The following RBFOX1 variants were observed in gnomAD, a reference collection of about 807,000 sequenced individuals.
RBFOX1 encodes RNA binding protein fox-1 homolog 1.
RBFOX1 carries 8 observed loss-of-function variants against 57.7 expected under a neutral mutation model. The observed-to-expected ratio is 0.14, with a 90% CI of 0.08 to 0.25. The LOEUF is 0.25. Among genes scored for constraint, RBFOX1 ranks in the 10% least tolerant of loss-of-function variants. The pLI is 1.00. For synonymous variants in RBFOX1, 326 were observed against 222.4 expected, an observed-to-expected ratio of 1.47 and a Z score of -4.15; for missense variants, 611 against 548.5, an observed-to-expected ratio of 1.11 and a Z score of -1.14.
intron 4 of RBFOX1, among the ~76,000 whole-genome samples, chr16:7,053,438 G>A (rs964698993): frequency 6.6e-6 from 1 of 152,088 alleles, no homozygotes; most frequent in African/African-American, 2.4e-5. Context: ...GTTAAATAAT[G>A]TATTACAACT....
rs1265305682 is a variant in RBFOX1, at chr16:7,712,430, G to C, written c.*1685G>C. 1 of 152,540 alleles carries C rather than the reference G, an allele frequency of 6.6e-6. No individual in the cohort carries two copies. Among genetic ancestry groups the C allele is most frequent in the Non-Finnish European group, 1.5e-5 (1 of 68,030 alleles). 9.4% of individuals were successfully genotyped at this position (152,540 alleles called of 1,614,324 possible). A position where few individuals can be genotyped will look rare whatever the true frequency, so the allele number is the denominator to read the frequency against. Reference sequence around the variant, plus strand: ...AAAATGTGTGATCCAGCTTTCTCTTGCCATCCTATGTGCATGCCGTAAGAT... The same window carrying C: ...AAAATGTGTGATCCAGCTTTCTCTTCCCATCCTATGTGCATGCCGTAAGAT... On this transcript the variant is annotated 3_prime_UTR_variant, in exon 16 of 16. Coordinates refer to ENST00000550418, the MANE Select transcript of RBFOX1 (RefSeq NM_018723.4).
chr16:5,943,467 G>A (rs1457192535), intron 4 of RBFOX1, among the ~76,000 whole-genome samples: 1 of 152,118 alleles, frequency 6.6e-6, no homozygotes, highest in Non-Finnish European at 1.5e-5. Context: ...AAAATATGAG[G>A]AATTCTCATT....
intron 2 of RBFOX1, among the ~76,000 whole-genome samples, chr16:5,548,925 C>A (rs11076930): frequency 0.35 from 53,094 of 151,908 alleles, 10,916 homozygotes; most frequent in East Asian, 0.96. Context: ...AAGTCCTCTA[C>A]ATTATACATC....
At chr16:7,466,206 A>C (rs1046917643) in intron 4 of RBFOX1, among the ~76,000 whole-genome samples, 3 of 152,230 alleles carry the variant, frequency 2.0e-5, no homozygotes, top group Non-Finnish European at 1.5e-5. Flanking sequence ...ATCTAATAAA[A>C]GGAGATTTAT....
intron 3 of RBFOX1, among the ~76,000 whole-genome samples, chr16:6,781,707 C>G (rs1048929760): frequency 1.3e-5 from 2 of 152,000 alleles, no homozygotes; most frequent in Non-Finnish European, 2.9e-5. Context: ...AAATCGTTGG[C>G]CTATAGTTGA....
intron 1 of RBFOX1, among the ~76,000 whole-genome samples, chr16:6,115,684 C>G (rs770969243): frequency 4.3e-4 from 65 of 152,172 alleles, no homozygotes; most frequent in Non-Finnish European, 8.4e-4. Flanking sequence ...TGTTGTGGGC[C>G]GAACAGTCTT....
At position 7,061,432 on chromosome 16, in the gene RBFOX1, T is replaced by C. The variant is rs113170536; in HGVS notation, c.27+9334T>C. ...ACAGATTTTAATTTCTCCAACTTCA[T>C]TGTGAAATATGATTAAATAAAGAAG... On this transcript the variant is annotated intron_variant, in intron 4 of 15. Transcript: ENST00000550418. Among the ~76,000 whole-genome samples, 418 of 152,310 alleles carry C rather than the reference T, an allele frequency of 2.7e-3. 3 individuals are homozygous for C. The highest frequency in any genetic ancestry group is 9.6e-3 in the African/African-American group (398 of 41,560).
intron 4 of RBFOX1, among the ~76,000 whole-genome samples, chr16:7,441,226 T>C (rs148913656): frequency 5.6e-4 from 86 of 152,316 alleles, no homozygotes; most frequent in African/African-American, 1.8e-3. Flanking sequence ...ATTCGACCTC[T>C]GAAAGCTCTG....
chr16:5,493,698 G>A (rs150317787), intron 2 of RBFOX1, among the ~76,000 whole-genome samples: 40 of 152,338 alleles, frequency 2.6e-4, no homozygotes, highest in African/African-American at 9.1e-4. Context: ...CATGCCGAGT[G>A]TTGACACAGC....
intron 7 of RBFOX1, among the ~76,000 whole-genome samples, chr16:7,590,938 A>C (rs2094413905): frequency 6.6e-6 from 1 of 151,436 alleles, no homozygotes; most frequent in African/African-American, 2.4e-5. Flanking sequence ...GCTGCATTTC[A>C]TGAGAGCCAA....
intron 4 of RBFOX1, among the ~76,000 whole-genome samples, chr16:7,434,463 C>G (rs1044560988): frequency 1.3e-5 from 2 of 151,632 alleles, no homozygotes; most frequent in African/African-American, 2.4e-5. Context: ...CAGAGCAAGA[C>G]TCTGTCTCGT....
chr16:6,501,884 G>C (rs901203253), intron 2 of RBFOX1, among the ~76,000 whole-genome samples: 1 of 152,144 alleles, frequency 6.6e-6, no homozygotes, highest in Admixed American at 6.5e-5. Flanking sequence ...GGCTTTACTT[G>C]TTCATAGATT....
chr16:7,400,321 A>C (rs1326185903), intron 4 of RBFOX1, among the ~76,000 whole-genome samples: 2 of 152,156 alleles, frequency 1.3e-5, no homozygotes, highest in Non-Finnish European at 2.9e-5. Context: ...TGCATTATGC[A>C]ATTCTGCCCC....
intron 3 of RBFOX1, among the ~76,000 whole-genome samples, chr16:6,729,528 T>G (rs2068024896): frequency 6.6e-6 from 1 of 152,142 alleles, no homozygotes. Context: ...AAAGAAGATG[T>G]TTATATACAG....
intron 4 of RBFOX1, among the ~76,000 whole-genome samples, chr16:7,392,954 A>G (rs1270664212): frequency 7.9e-5 from 12 of 151,214 alleles, no homozygotes; most frequent in African/African-American, 2.9e-4. Context: ...GCTCACTGCA[A>G]CCTCCGCCTC....
At chr16:6,445,872 C>T (rs576085326) in intron 2 of RBFOX1, among the ~76,000 whole-genome samples, 7 of 152,154 alleles carry the variant, frequency 4.6e-5, no homozygotes, top group Non-Finnish European at 1.0e-4. Flanking sequence ...TGAGCCACTG[C>T]GCCCGGCCAT....
intron 4 of RBFOX1, among the ~76,000 whole-genome samples, chr16:7,168,040 C>G (rs1434442628): frequency 6.6e-6 from 1 of 152,028 alleles, no homozygotes; most frequent in Non-Finnish European, 1.5e-5. Flanking sequence ...CAGGTTTTTT[C>G]CTCCTTAGAG....
At chr16:5,986,073 T>G (rs374938552) in intron 4 of RBFOX1, among the ~76,000 whole-genome samples, 90 of 124,940 alleles carry the variant, frequency 7.2e-4, no homozygotes, top group African/African-American at 2.8e-3. Context: ...TTTTTTTTTT[T>G]GTTTTCCAGA....
At chr16:7,556,225 T>C (rs1052042812) in intron 5 of RBFOX1, among the ~76,000 whole-genome samples, 7 of 152,142 alleles carry the variant, frequency 4.6e-5, no homozygotes, top group African/African-American at 1.7e-4. Context: ...ATGACGCAGC[T>C]CTTCGGTCAA....
Sources: gnomAD v4.1 joint callset for allele counts (sites outside exome capture counted in the v4.1 genomes callset) on GRCh38, gnomAD v4.1.1 for gene constraint, MANE v1.5 for transcripts, NCBI Gene and HGNC (gene_info 2026-07-23, HGNC 2026-07-21) for gene names.